The following SLC39A10 variants were observed in gnomAD, a reference collection of about 807,000 sequenced individuals.
SLC39A10 encodes the protein zinc transporter ZIP10.
SLC39A10 carries 13 observed loss-of-function variants against 65.1 expected under a neutral mutation model. That is an observed-to-expected ratio of 0.20 (90% CI 0.13 to 0.32). The LOEUF (loss-of-function observed/expected upper bound fraction) is 0.32, where lower values mean the gene tolerates loss of function less well. Among genes scored for constraint, SLC39A10 ranks in the 10% least tolerant of loss-of-function variants. The pLI is 1.00. For synonymous variants in SLC39A10, 321 were observed against 342.2 expected, an observed-to-expected ratio of 0.94 and a Z score of 0.68; for missense variants, 831 against 1,018.4, an observed-to-expected ratio of 0.82 and a Z score of 2.50.
chr2:195,679,551 A>T (rs1156450513), intron 1 of SLC39A10, among the ~76,000 whole-genome samples: 2 of 152,232 alleles, frequency 1.3e-5, no homozygotes, highest in Admixed American at 1.3e-4. Flanking sequence ...TGTATTGGAT[A>T]CATAGCTTAT....
chr2:195,638,458 G>A (rs1688735691), intron 2 of SLC39A10, among the ~76,000 whole-genome samples: 2 of 152,164 alleles, frequency 1.3e-5, no homozygotes, highest in South Asian at 4.2e-4. Context: ...TCCTGCCTTA[G>A]CCTCCCGAGT....
chr2:195,651,356 A>G (rs1689026675), intron 2 of SLC39A10, among the ~76,000 whole-genome samples: 1 of 152,230 alleles, frequency 6.6e-6, no homozygotes, highest in Non-Finnish European at 1.5e-5. Flanking sequence ...CTCTGGCATC[A>G]GTTTTAGAGC....
chr2:195,644,060 CAAAT>C (rs896236831), intron 2 of SLC39A10, among the ~76,000 whole-genome samples: 3 of 151,438 alleles, frequency 2.0e-5, no homozygotes, highest in Admixed American at 6.6e-5. Context: ...AGTATCAAAA[CAAAT>C]AAAAGGAGAT....
At chr2:195,618,353 CAAAA>C (rs34831034) in intron 2 of SLC39A10, among the ~76,000 whole-genome samples, 1 of 103,968 alleles carries the variant, frequency 9.6e-6, no homozygotes. Context: ...TCCGTCTCAC[CAAAA>C]AAAAAAAAAA....
At chr2:195,621,169 C>G (rs955554269) in intron 2 of SLC39A10, among the ~76,000 whole-genome samples, 1 of 152,196 alleles carries the variant, frequency 6.6e-6, no homozygotes, top group South Asian at 2.1e-4. Flanking sequence ...GTGGATGAGA[C>G]AGCAGGATGA....
At chr2:195,734,677 A>C (rs1445977188) in intron 9 of SLC39A10, among the ~76,000 whole-genome samples, 1 of 152,216 alleles carries the variant, frequency 6.6e-6, no homozygotes, top group Non-Finnish European at 1.5e-5. Flanking sequence ...AGGAGGGAAC[A>C]GAGTTAGTAT....
chr2:195,713,815 T>G (rs576588240), intron 6 of SLC39A10, among the ~76,000 whole-genome samples: 1 of 152,308 alleles, frequency 6.6e-6, no homozygotes, highest in Admixed American at 6.5e-5. Flanking sequence ...AACCTATCTT[T>G]CAGATGTTAC....
chr2:195,648,213 G>C (rs888526995), intron 2 of SLC39A10, among the ~76,000 whole-genome samples: 2 of 152,108 alleles, frequency 1.3e-5, no homozygotes, highest in African/African-American at 4.8e-5. Context: ...GTCCAGACTG[G>C]TCTTGAACTC....
intron 3 of SLC39A10, among the ~76,000 whole-genome samples, chr2:195,703,920 C>T (rs1691295131): frequency 6.6e-6 from 1 of 152,172 alleles, no homozygotes; most frequent in South Asian, 2.1e-4. Flanking sequence ...TCCCAAAATG[C>T]TTGGATTACA....
intron 2 of SLC39A10, among the ~76,000 whole-genome samples, chr2:195,621,649 G>T (rs1688350458): frequency 6.6e-6 from 1 of 152,202 alleles, no homozygotes; most frequent in Admixed American, 6.5e-5. Flanking sequence ...AGGGAGAAAA[G>T]GTCCAGAGCC....
chr2:195,628,159 C>T (rs1261669413), intron 2 of SLC39A10, among the ~76,000 whole-genome samples: 1 of 152,128 alleles, frequency 6.6e-6, no homozygotes, highest in Non-Finnish European at 1.5e-5. Context: ...TTTAGATGTT[C>T]CCTCTACCCT....
At chr2:195,650,162 G>C (rs1484373818) in intron 2 of SLC39A10, among the ~76,000 whole-genome samples, 1 of 151,740 alleles carries the variant, frequency 6.6e-6, no homozygotes, top group Non-Finnish European at 1.5e-5. Flanking sequence ...GGCAGCTGTA[G>C]TCCCAGCTAC....
Position 195,708,851 on chromosome 2 carries a change from AT to A in SLC39A10, c.1575+13del, listed in dbSNP as rs749652495. The stretch of plus-strand genomic sequence containing the variant: ...GCACTACAAACAACAAAGAGTAAGT[AT>A]TTTTTATTTATTTAATTTTATACCA... On this transcript the variant is annotated splice_region_variant and intron_variant, in intron 5 of 9. Coordinates refer to ENST00000359634, the MANE Select transcript of SLC39A10 (RefSeq NM_020342.3). 1 of 1,570,014 alleles carries A rather than the reference AT, an allele frequency of 6.4e-7. No individual in the cohort carries two copies. Among genetic ancestry groups the A allele is most frequent in the Non-Finnish European group, 8.6e-7 (1 of 1,159,326 alleles).
At chr2:195,648,588 G>A (rs964625897) in intron 2 of SLC39A10, among the ~76,000 whole-genome samples, 2 of 152,130 alleles carry the variant, frequency 1.3e-5, no homozygotes, top group Non-Finnish European at 2.9e-5. Flanking sequence ...TGAGGTGGGA[G>A]GATCACTTGA....
At chr2:195,681,723 C>G (rs1257032742) in intron 2 of SLC39A10, among the ~76,000 whole-genome samples, 3 of 152,018 alleles carry the variant, frequency 2.0e-5, no homozygotes, top group East Asian at 1.9e-4. Context: ...CCAAGCTAGT[C>G]TCTTACTGTT....
chr2:195,617,872 TG>T (rs1688257637), intron 2 of SLC39A10, among the ~76,000 whole-genome samples: 1 of 151,282 alleles, frequency 6.6e-6, no homozygotes, highest in Non-Finnish European at 1.5e-5. Flanking sequence ...CCCGAGTAGC[TG>T]GGACCACAGG....
intron 3 of SLC39A10, among the ~76,000 whole-genome samples, chr2:195,686,539 A>G (rs1035306438): frequency 1.3e-5 from 2 of 152,192 alleles, no homozygotes; most frequent in African/African-American, 4.8e-5. Context: ...ACAGAGTGAG[A>G]CTCCGTCTCA....
At chr2:195,616,838 C>A (rs958015709) in intron 2 of SLC39A10, among the ~76,000 whole-genome samples, 3 of 152,110 alleles carry the variant, frequency 2.0e-5, no homozygotes, top group Admixed American at 2.0e-4. Flanking sequence ...CTCCTGACCT[C>A]GTGATCCGCC....
At chr2:195,639,036 A>G (rs1688748811) in intron 2 of SLC39A10, among the ~76,000 whole-genome samples, 1 of 150,696 alleles carries the variant, frequency 6.6e-6, no homozygotes, top group South Asian at 2.1e-4. Flanking sequence ...GCTCACTATG[A>G]CCTCTAACTC....
Sources: allele counts gnomAD v4.1 joint callset (sites outside exome capture counted in the v4.1 genomes callset), GRCh38; gene constraint gnomAD v4.1.1; transcripts MANE v1.5; gene names NCBI Gene and HGNC (gene_info 2026-07-23, HGNC 2026-07-21).